CLASP1: variants seen among roughly 807,000 people sequenced by gnomAD.
CLASP1 encodes the protein cytoplasmic linker associated protein 1.
A neutral mutation model predicts 192.3 loss-of-function variants in CLASP1; 38 were observed. The observed-to-expected ratio is 0.20, with a 90% CI of 0.15 to 0.26. The LOEUF is 0.26. CLASP1 is among the 10% of genes least tolerant of loss of function. The pLI is 1.00. For synonymous variants in CLASP1, 691 were observed against 712.8 expected (o/e 0.97, Z 0.49); for missense variants, 1,433 against 1,932.5 (o/e 0.74, Z 4.85).
At chr2:121,518,321 C>G (rs926856520) in intron 6 of CLASP1, among the ~76,000 whole-genome samples, 1 of 150,188 alleles carries the variant, frequency 6.7e-6, no homozygotes, top group Admixed American at 6.6e-5. Flanking sequence ...TTAGTGTCCT[C>G]ATAAGAGAAG....
chr2:121,405,361 T>C (rs2149481176), intron 25 of CLASP1, among the ~76,000 whole-genome samples: 1 of 152,320 alleles, frequency 6.6e-6, no homozygotes, highest in East Asian at 1.9e-4. Context: ...AAGCCTGTGA[T>C]TTCCTTATTG....
rs1357035869 is a variant in CLASP1 at position 121,589,225 on chromosome 2, C to A, written c.195+16476G>T. 2.0e-5 allele frequency among the ~76,000 whole-genome samples: 3 copies of A among 152,170 alleles called. No homozygotes were observed. In the East Asian group the frequency reaches 5.8e-4, roughly 29 times the overall value. On this transcript the variant is annotated intron_variant, in intron 2 of 39. Coordinates refer to ENST00000263710, the Ensembl canonical transcript of CLASP1. ...CTCCTATGATGAGAAAGATTACTGACCATCATTTTCTTTACAAAGGTGTTT... is the reference window on the plus strand; with the variant it reads ...CTCCTATGATGAGAAAGATTACTGAACATCATTTTCTTTACAAAGGTGTTT...
At chr2:121,373,878 T>G (rs2069326514) in intron 34 of CLASP1, among the ~76,000 whole-genome samples, 2 of 152,140 alleles carry the variant, frequency 1.3e-5, no homozygotes, top group Admixed American at 6.5e-5. Flanking sequence ...AACCTATATT[T>G]AAAAAGGAAG....
At chr2:121,377,687 A>G (rs1352191678) in intron 33 of CLASP1, 38 bp from the exon 35 acceptor site, 18 of 1,441,534 alleles carry the variant, frequency 1.2e-5, no homozygotes, top group Non-Finnish European at 1.7e-5. Flanking sequence ...AAATCGAGGC[A>G]TATACATAGA....
intron 6 of CLASP1, 59 bp from the exon 7 acceptor site, chr2:121,515,821 T>A: frequency 1.4e-6 from 2 of 1,460,438 alleles, no homozygotes; most frequent in Non-Finnish European, 1.9e-6. Context: ...CAAGTCCTGC[T>A]GGGACACAAC....
intron 2 of CLASP1, among the ~76,000 whole-genome samples, chr2:121,563,293 ATT>A (rs2059246794): frequency 6.6e-6 from 1 of 152,240 alleles, no homozygotes; most frequent in African/African-American, 2.4e-5. Flanking sequence ...CCGCCTGATG[ATT>A]TGTTGAAAGA....
intron 1 of CLASP1, among the ~76,000 whole-genome samples, chr2:121,620,548 C>T (rs1296508689): frequency 1.3e-5 from 2 of 152,034 alleles, no homozygotes; most frequent in Non-Finnish European, 2.9e-5. Flanking sequence ...CGGGGTTTCA[C>T]CATATTGGCC....
chr2:121,441,797 C>G (rs1402362272), intron 19 of CLASP1, among the ~76,000 whole-genome samples: 3 of 152,044 alleles, frequency 2.0e-5, no homozygotes, highest in African/African-American at 7.2e-5. Flanking sequence ...AAGCTTAACA[C>G]CCTTTTACTT....
At chr2:121,449,158 AT>A in intron 16 of CLASP1, 38 bp from the exon 17 acceptor site, 1 of 1,595,648 alleles carries the variant, frequency 6.3e-7, no homozygotes, top group Non-Finnish European at 8.6e-7. Context: ...TAATTCAAGG[AT>A]CCAAACAGGT....
chr2:121,564,862 C>T (rs938791400), intron 2 of CLASP1, among the ~76,000 whole-genome samples: 2 of 152,228 alleles, frequency 1.3e-5, no homozygotes, highest in African/African-American at 4.8e-5. Flanking sequence ...AAAGCTTATC[C>T]TCCTGGTCCC....
chr2:121,356,229 G>C (rs1345794923), intron 37 of CLASP1, among the ~76,000 whole-genome samples: 2 of 152,094 alleles, frequency 1.3e-5, no homozygotes, highest in Non-Finnish European at 2.9e-5. Flanking sequence ...CTACTCAATC[G>C]TGTGGAAGCT....
At chr2:121,520,434 A>T (rs1328816965) in intron 6 of CLASP1, among the ~76,000 whole-genome samples, 1 of 152,196 alleles carries the variant, frequency 6.6e-6, no homozygotes, top group Non-Finnish European at 1.5e-5. Context: ...GCTGTGCCCA[A>T]GAGCCCACCC....
chr2:121,456,432 T>TAC (rs1288420246), intron 14 of CLASP1, among the ~76,000 whole-genome samples: 1 of 150,382 alleles, frequency 6.6e-6, no homozygotes, highest in Non-Finnish European at 1.5e-5. Context: ...AACTTGAGGT[T>TAC]ACAGTGTGCT....
At chr2:121,554,534 G>A (rs936605395) in intron 2 of CLASP1, among the ~76,000 whole-genome samples, 1 of 152,042 alleles carries the variant, frequency 6.6e-6, no homozygotes, top group African/African-American at 2.4e-5. Flanking sequence ...GGAGGTTGAG[G>A]TGGGAGGATG....
chr2:121,524,359 T>A (rs1261226690), intron 6 of CLASP1, among the ~76,000 whole-genome samples: 1 of 152,206 alleles, frequency 6.6e-6, no homozygotes. Flanking sequence ...AGAATCTTTT[T>A]AAAAAATAGT....
rs115070493 is a variant in CLASP1, at chr2:121,584,922, G to A, written c.195+20779C>T. The stretch of plus-strand genomic sequence containing the variant: ...GCTGTAATGCTGGATCAACCACAAA[G>A]AAACAAAAGAAGGCTATCACACTGG... On this transcript the variant is annotated intron_variant, in intron 2 of 39. Transcript: ENST00000263710. Among the ~76,000 whole-genome samples the A allele has an allele frequency of 7.1e-3, 1,079 of 152,242 alleles. 13 individuals carry two copies. The highest frequency in any genetic ancestry group is 0.024 in the African/African-American group (991 of 41,544).
At chr2:121,381,852 A>T (rs1241391493) in intron 33 of CLASP1, among the ~76,000 whole-genome samples, 1 of 152,222 alleles carries the variant, frequency 6.6e-6, no homozygotes, top group East Asian at 1.9e-4. Context: ...CTTTAGACGC[A>T]TGCTAAGGAA....
intron 25 of CLASP1, among the ~76,000 whole-genome samples, chr2:121,406,299 C>T (rs191938882): frequency 0.01 from 1,598 of 152,232 alleles, 11 homozygotes; most frequent in South Asian, 0.021. Context: ...AAAGCAAAAA[C>T]GATCCATCTA....
At chr2:121,516,631 G>A (rs1184841685) in intron 6 of CLASP1, among the ~76,000 whole-genome samples, 5 of 152,148 alleles carry the variant, frequency 3.3e-5, no homozygotes, top group African/African-American at 1.2e-4. Context: ...ACACATCACT[G>A]TATCCATGTT....
Sources: gnomAD v4.1 joint callset for allele counts (sites outside exome capture counted in the v4.1 genomes callset) on GRCh38, gnomAD v4.1.1 for gene constraint, MANE v1.5 for transcripts, NCBI Gene and HGNC (gene_info 2026-07-23, HGNC 2026-07-21) for gene names.